Variants in COL25A1 observed in about 807,000 individuals in gnomAD.
The protein encoded by COL25A1 is collagen type XXV alpha 1 chain.
In COL25A1, 103 loss-of-function variants were observed where a neutral mutation model predicts 128.4. That is an observed-to-expected ratio of 0.80 (90% CI 0.68 to 0.94). COL25A1 has a LOEUF of 0.94. COL25A1 is among the 40% of genes least tolerant of loss of function. COL25A1 has a pLI of 0.00. For synonymous variants in COL25A1, 279 were observed against 277.2 expected, an observed-to-expected ratio of 1.01 and a Z score of -0.06; for missense variants, 745 against 840.0, an observed-to-expected ratio of 0.89 and a Z score of 1.40.
In COL25A1 at chr4:109,136,193, T is replaced by A. The variant is rs541029588; in HGVS notation, c.368-86014A>T. Among the ~76,000 whole-genome samples, 4 of 151,952 alleles carry A rather than the reference T, an allele frequency of 2.6e-5. No individual in the cohort carries two copies. In the South Asian group the frequency reaches 6.3e-4, roughly 24 times the overall value. On this transcript the variant is annotated intron_variant, in intron 3 of 37. Coordinates refer to ENST00000399132, the MANE Select transcript of COL25A1 (RefSeq NM_198721.4). The stretch of plus-strand genomic sequence containing the variant: ...CGGGTGGATCACCTGAGGTCAGGAG[T>A]TCGAGACCAGCCTGGCCAACATGGT...
intron 6 of COL25A1, among the ~76,000 whole-genome samples, chr4:108,994,923 T>G (rs926455283): frequency 1.2e-4 from 18 of 151,972 alleles, no homozygotes; most frequent in African/African-American, 4.4e-4. Context: ...AGCATCAACA[T>G]CAACAAAAAG....
chr4:108,845,612 ACTTC>A (rs948717493), intron 28 of COL25A1, among the ~76,000 whole-genome samples: 199 of 152,318 alleles, frequency 1.3e-3, no homozygotes, highest in African/African-American at 4.8e-3. Context: ...ACATTTATAT[ACTTC>A]CTTGTTTTAC....
chr4:109,111,129 C>T (rs1287825200), intron 3 of COL25A1, among the ~76,000 whole-genome samples: 4 of 152,168 alleles, frequency 2.6e-5, no homozygotes, highest in Non-Finnish European at 4.4e-5. Flanking sequence ...AGTCTTTATT[C>T]GGCCATAAAT....
intron 3 of COL25A1, among the ~76,000 whole-genome samples, chr4:109,072,699 C>G (rs765131116): frequency 3.9e-5 from 6 of 152,170 alleles, no homozygotes; most frequent in Admixed American, 6.5e-5. Context: ...CTTTCTGAAA[C>G]CTTTTGAAGG....
At chr4:109,104,927 CTATT>C (rs1473038734) in intron 3 of COL25A1, among the ~76,000 whole-genome samples, 1 of 151,974 alleles carries the variant, frequency 6.6e-6, no homozygotes, top group Non-Finnish European at 1.5e-5. Context: ...ATAAAAATTG[CTATT>C]TATTAGATGC....
intron 3 of COL25A1, among the ~76,000 whole-genome samples, chr4:109,065,598 G>A (rs901552330): frequency 2.0e-5 from 3 of 151,736 alleles, no homozygotes; most frequent in African/African-American, 7.3e-5. Flanking sequence ...GCATGCACGT[G>A]TGTTTAAGAA....
At position 108,848,770 on chromosome 4, in the gene COL25A1, C is replaced by A. The variant is rs775839545; in HGVS notation, c.1423G>T (p.Asp475Tyr). 2.5e-6 allele frequency: 4 copies of A among 1,601,742 alleles called. No individual in the cohort carries two copies. The highest frequency in any genetic ancestry group is 1.7e-6 in the Non-Finnish European group (2 of 1,169,164). ...TCTTTGAAAATTACCTGCTCTCCAT[C>A]CATTCCTGGGATTCCTGGAGATCCC... Reference protein sequence around the residue: ...EQGSPGIPGMDGEQGLKGSKG... With the variant: ...EQGSPGIPGMYGEQGLKGSKG... The change falls in exon 27 of 38, where the codon GAT becomes TAT. Residue 475 changes from aspartate to tyrosine, a missense_variant. Transcript: ENST00000399132.
intron 27 of COL25A1, among the ~76,000 whole-genome samples, chr4:108,848,078 A>G (rs1027572001): frequency 1.3e-5 from 2 of 152,210 alleles, no homozygotes; most frequent in Non-Finnish European, 2.9e-5. Context: ...TCACAGGCCA[A>G]ATTCATCCCA....
In COL25A1 at chr4:108,886,484, G is replaced by GTTTT. The variant is rs1392899230; in HGVS notation, c.976-2263_976-2262insAAAA. Among the ~76,000 whole-genome samples the GTTTT allele has an allele frequency of 2.3e-4, 19 of 82,766 alleles. 1 individual carries two copies. The highest frequency in any genetic ancestry group is 7.8e-4 in the African/African-American group (19 of 24,498). 54.3% of individuals were successfully genotyped at this position (82,766 alleles called of 152,430 possible). ...TGTGTGTGTGTGTGTGTGTGTGTGT[G>GTTTT]TGTGTGTGTTTAGCTCATCAGCTAT... On this transcript the variant is annotated intron_variant, in intron 18 of 37. Coordinates refer to ENST00000399132, the MANE Select transcript of COL25A1 (RefSeq NM_198721.4).
In COL25A1 at chr4:108,889,087, A is replaced by G. The variant is rs1054225555; in HGVS notation, c.975+134T>C. 4.8e-6 allele frequency: 4 copies of G among 828,822 alleles called. No individual in the cohort carries two copies. The Admixed American group carries it at 9.2e-5, about 19-fold the overall frequency. The allele number at this position is 828,822 out of a possible 1,614,324, so 51.3% of individuals were successfully genotyped here. On this transcript the variant is annotated intron_variant, in intron 18 of 37. Coordinates refer to ENST00000399132, the MANE Select transcript of COL25A1 (RefSeq NM_198721.4). ...TCAAGACCTTTTAAAATGCAAAACA[A>G]CAATAACACTCTGTAATGCAAAACA...
At chr4:108,991,857 G>C (rs1754264181) in intron 6 of COL25A1, among the ~76,000 whole-genome samples, 1 of 152,068 alleles carries the variant, frequency 6.6e-6, no homozygotes, top group Admixed American at 6.6e-5. Context: ...CATATGAATA[G>C]AAAGTTAAAT....
chr4:109,015,184 A>C (rs892905837), intron 5 of COL25A1, among the ~76,000 whole-genome samples: 1 of 152,232 alleles, frequency 6.6e-6, no homozygotes, highest in Non-Finnish European at 1.5e-5. Context: ...TCCCAGACTA[A>C]TCAAAAAGAA....
chr4:109,093,291 T>C (rs1765089764), intron 3 of COL25A1, among the ~76,000 whole-genome samples: 1 of 152,186 alleles, frequency 6.6e-6, no homozygotes, highest in Middle Eastern at 3.4e-3. Context: ...CTAAAAATCA[T>C]TTGACGTCTC....
chr4:109,282,757 T>G (rs559277619), intron 3 of COL25A1, among the ~76,000 whole-genome samples: 2 of 152,318 alleles, frequency 1.3e-5, no homozygotes, highest in East Asian at 3.9e-4. Flanking sequence ...AACCAGTAAT[T>G]CCACCTATAG....
intron 27 of COL25A1, among the ~76,000 whole-genome samples, chr4:108,847,423 C>T (rs1368669163): frequency 6.6e-6 from 1 of 151,762 alleles, no homozygotes; most frequent in Non-Finnish European, 1.5e-5. Flanking sequence ...GTTAACTGTT[C>T]CTATTTAATA....
chr4:109,067,566 C>T (rs1762559245), intron 3 of COL25A1, among the ~76,000 whole-genome samples: 1 of 152,128 alleles, frequency 6.6e-6, no homozygotes, highest in South Asian at 2.1e-4. Context: ...TGTTGGGGAA[C>T]ATTTAGGATA....
chr4:109,072,290 G>T (rs1215605068), intron 3 of COL25A1, among the ~76,000 whole-genome samples: 1 of 152,140 alleles, frequency 6.6e-6, no homozygotes, highest in African/African-American at 2.4e-5. Flanking sequence ...GTTAACAGAT[G>T]AACGATGTTA....
chr4:108,972,020 C>T (rs531627981), intron 8 of COL25A1, among the ~76,000 whole-genome samples: 229 of 152,214 alleles, frequency 1.5e-3, no homozygotes, highest in African/African-American at 4.7e-3. Flanking sequence ...TTTCCAGCTT[C>T]GATTTACCTC....
intron 3 of COL25A1, among the ~76,000 whole-genome samples, chr4:109,188,060 TA>T: frequency 6.6e-6 from 1 of 152,008 alleles, no homozygotes; most frequent in African/African-American, 2.4e-5. Context: ...TCCCACTAAT[TA>T]CAAGGCCAAT....
Sources: allele counts gnomAD v4.1 joint callset (sites outside exome capture counted in the v4.1 genomes callset), GRCh38; gene constraint gnomAD v4.1.1; transcripts MANE v1.5; gene names NCBI Gene and HGNC (gene_info 2026-07-23, HGNC 2026-07-21).